TFB1M: variants seen among roughly 807,000 people sequenced by gnomAD.
TFB1M encodes the protein transcription factor B1, mitochondrial, also known as dimethyladenosine transferase 1, mitochondrial.
TFB1M carries 27 observed loss-of-function variants against 31.1 expected under a neutral mutation model. The ratio of observed to expected loss-of-function variants is 0.87; its 90% CI spans 0.64 to 1.20. The LOEUF (loss-of-function observed/expected upper bound fraction) is 1.20, where lower values mean the gene tolerates loss of function less well. Among genes scored for constraint, TFB1M ranks in the 50% most tolerant of loss-of-function variants. The pLI is 0.00. For synonymous variants in TFB1M, 166 were observed against 151.8 expected (o/e 1.09, Z -0.69); for missense variants, 394 against 418.7 (o/e 0.94, Z 0.51).
At chr6:155,281,946 G>T (rs1317128887) in intron 5 of TFB1M, among the ~76,000 whole-genome samples, 1 of 152,010 alleles carries the variant, frequency 6.6e-6, no homozygotes, top group Non-Finnish European at 1.5e-5. Flanking sequence ...GATTCTCAGG[G>T]ATCTACAGAG....
intron 5 of TFB1M, among the ~76,000 whole-genome samples, chr6:155,267,080 T>G (rs1052872641): frequency 8.0e-5 from 12 of 150,270 alleles, no homozygotes; most frequent in Non-Finnish European, 1.6e-4. Context: ...GTTCAAGCAA[T>G]TCTCGTGTCT....
intron 5 of TFB1M, among the ~76,000 whole-genome samples, chr6:155,282,592 G>A (rs1283577975): frequency 6.6e-6 from 1 of 152,094 alleles, no homozygotes; most frequent in African/African-American, 2.4e-5. Flanking sequence ...TTAGCGCTTA[G>A]CTTATCTTAC....
intron 2 of TFB1M, among the ~76,000 whole-genome samples, chr6:155,307,127 T>A (rs1777803736): frequency 9.0e-6 from 1 of 111,568 alleles, no homozygotes; most frequent in South Asian, 3.7e-4. Flanking sequence ...AGACCATGTC[T>A]CAAACACATA....
At chr6:155,314,194 G>A (rs1778146969) in intron 1 of TFB1M, 102 bp downstream of exon 1, 2 of 1,561,924 alleles carry the variant, frequency 1.3e-6, no homozygotes, top group South Asian at 2.3e-5. Flanking sequence ...CCCGTCGCAC[G>A]CCAGTGCCTG....
chr6:155,254,320 G>A (rs1783864816), downstream of TFB1M: 3 of 1,492,122 alleles, frequency 2.0e-6, no homozygotes, highest in South Asian at 1.3e-5. Flanking sequence ...TGGCAGCCTG[G>A]TCCAGCAGGT....
chr6:155,302,339 T>G (rs558921154), intron 2 of TFB1M, among the ~76,000 whole-genome samples: 1 of 152,172 alleles, frequency 6.6e-6, no homozygotes, highest in Non-Finnish European at 1.5e-5. Context: ...TTAAGCAAAC[T>G]GTATGAGAAG....
At chr6:155,249,982 T>A in the TFB1M span, 2 of 1,600,460 alleles carry the variant, frequency 1.2e-6, no homozygotes, top group Non-Finnish European at 1.7e-6. Flanking sequence ...CCGTGAGACA[T>A]CTGCACCCTG....
At chr6:155,246,214 G>A in the TFB1M span, among the ~76,000 whole-genome samples, 4 of 152,128 alleles carry the variant, frequency 2.6e-5, no homozygotes, top group Non-Finnish European at 5.9e-5. Context: ...TTGCTCTTCG[G>A]TGTTTCTCTC....
intron 5 of TFB1M, among the ~76,000 whole-genome samples, chr6:155,280,589 T>C (rs1005628543): frequency 3.4e-4 from 52 of 152,084 alleles, no homozygotes; most frequent in African/African-American, 1.2e-3. Context: ...GAAAATCCCA[T>C]CTCAATCTGA....
At chr6:155,292,370 C>T (rs980611598) in intron 4 of TFB1M, among the ~76,000 whole-genome samples, 6 of 152,176 alleles carry the variant, frequency 3.9e-5, no homozygotes, top group African/African-American at 1.2e-4. Flanking sequence ...AAGGGTCCCC[C>T]AAGTCCCCTG....
At chr6:155,247,490 G>A in the TFB1M span, among the ~76,000 whole-genome samples, 4 of 152,104 alleles carry the variant, frequency 2.6e-5, no homozygotes, top group East Asian at 3.9e-4. Flanking sequence ...CACCACGCCC[G>A]GCGAATTTTT....
intron 6 of TFB1M, among the ~76,000 whole-genome samples, chr6:155,259,375 T>A (rs1784285178): frequency 6.6e-6 from 1 of 152,240 alleles, no homozygotes; most frequent in Non-Finnish European, 1.5e-5. Context: ...AGGCAACAAG[T>A]GGCAGGCTGA....
At chr6:155,276,413 G>C (rs775885979) in intron 5 of TFB1M, 7 of 1,567,708 alleles carry the variant, frequency 4.5e-6, no homozygotes, top group Non-Finnish European at 6.1e-6. Context: ...TGGAACTTTT[G>C]GGTGCCAAAT....
At chr6:155,265,727 T>C (rs982462288) in intron 5 of TFB1M, among the ~76,000 whole-genome samples, 6 of 145,684 alleles carry the variant, frequency 4.1e-5, no homozygotes, top group African/African-American at 1.5e-4. Flanking sequence ...ATATATAATA[T>C]AAATATATAT....
chr6:155,303,490 A>G (rs929360572), intron 2 of TFB1M: 1 of 152,210 alleles, frequency 6.6e-6, no homozygotes, highest in Non-Finnish European at 1.5e-5. Context: ...ATGGACTAAA[A>G]AGTCACTTTG....
chr6:155,305,123 T>C (rs1562424376), intron 2 of TFB1M, among the ~76,000 whole-genome samples: 2 of 93,890 alleles, frequency 2.1e-5, no homozygotes, highest in African/African-American at 1.2e-4. Flanking sequence ...TATTTATATA[T>C]ATACATAATT....
rs1285774322 is a variant in TFB1M, at chr6:155,311,223, C to T, written c.250G>A (p.Val84Ile). ...LNADVAELLV[V>I]EKDTRFIPGL... ...GGAATAAATCGAGTGTCCTTTTCAA[C>T]CACCAGAAGTTCAGCGACGTCGGCA... The change falls in exon 2 of 7, where the codon GTT becomes ATT. Residue 84 changes from valine to isoleucine, a missense_variant. Val to Ile is a conservative substitution (Grantham distance 29, BLOSUM62 3). Around this residue, in one of 3 missense-constraint regions of TFB1M, gnomAD observed 273 missense variants for 256.4 expected, o/e 1.06. Transcript: ENST00000367166. 6.2e-7 allele frequency: 1 copy of T among 1,614,140 alleles called. No individual in the cohort carries two copies. Among genetic ancestry groups the T allele is most frequent in the East Asian group, 2.2e-5 (1 of 44,880 alleles).
At chr6:155,307,328 G>A (rs751958405) in intron 2 of TFB1M, among the ~76,000 whole-genome samples, 1 of 152,086 alleles carries the variant, frequency 6.6e-6, no homozygotes, top group Non-Finnish European at 1.5e-5. Flanking sequence ...TTACAAAAGA[G>A]GTTTAGACTC....
the TFB1M span, chr6:155,248,067 G>A: frequency 2.2e-5 from 35 of 1,614,076 alleles, no homozygotes; most frequent in Non-Finnish European, 2.7e-5. Flanking sequence ...ATTCCTCCAC[G>A]CTGGAGTCCT....
Sources: allele counts gnomAD v4.1 joint callset (sites outside exome capture counted in the v4.1 genomes callset), GRCh38; gene constraint gnomAD v4.1.1; regional missense constraint gnomAD v4.1.1; transcripts MANE v1.5; gene names NCBI Gene and HGNC (gene_info 2026-07-23, HGNC 2026-07-21).